WNK4: variants seen among roughly 807,000 people sequenced by gnomAD.
The protein encoded by WNK4 is serine/threonine-protein kinase WNK4.
A neutral mutation model predicts 116.2 loss-of-function variants in WNK4; 94 were observed. That is an observed-to-expected ratio of 0.81 (90% CI 0.68 to 0.96). The LOEUF is 0.96. Ranked by LOEUF, WNK4 falls within the 40% of genes least tolerant of loss-of-function variation. The pLI, the probability that WNK4 is intolerant of heterozygous loss-of-function variation, is 0.00. For synonymous variants in WNK4, 655 were observed against 672.7 expected, an observed-to-expected ratio of 0.97 and a Z score of 0.41; for missense variants, 1,542 against 1,650.6, an observed-to-expected ratio of 0.93 and a Z score of 1.14.
chr17:42,785,499 C>T lies in WNK4; in HGVS notation c.1476+17C>T, dbSNP rs758083735. 1 of 1,549,880 alleles carries T rather than the reference C, an allele frequency of 6.5e-7. No homozygotes were observed. The highest frequency in any genetic ancestry group is 8.7e-7 in the Non-Finnish European group (1 of 1,146,312). ...CAGGAGATGGTGAGCGGAGGACAGA[C>T]TGTGCTGCCACTGGACGTGTAAAGG... On this transcript the variant is annotated intron_variant, in intron 6 of 18. Transcript: ENST00000246914.
At position 42,784,061 on chromosome 17, in the gene WNK4, G is replaced by A. The variant is rs2054514672; in HGVS notation, c.916G>A (p.Asp306Asn). 4 of 1,613,712 alleles carry A rather than the reference G, an allele frequency of 2.5e-6. No individual in the cohort carries two copies. The highest frequency in any genetic ancestry group is 8.5e-7 in the Non-Finnish European group (1 of 1,180,032). Residue 306 changes from aspartate (D) to asparagine (N), a missense_variant, in exon 3 of 19, where the codon GAC becomes AAC. Asp to Asn is a conservative substitution (Grantham distance 23). Around this residue, in one of 7 missense-constraint regions of WNK4, gnomAD observed 808 missense variants for 873.6 expected, o/e 0.92. Transcript: ENST00000246914. The surrounding 1 kb of genome is among the most constrained non-coding windows in gnomAD (Gnocchi z 4.4). The stretch of plus-strand genomic sequence containing the variant: ...CATCCTGCACCGGGATCTCAAGTGC[G>A]ACAATGTCTTTATCACGGGACCTAC... ...PPILHRDLKC[D>N]NVFITGPTGS...
intron 10 of WNK4, 106 bp downstream of exon 10, chr17:42,788,513 C>A (rs2054576834): frequency 1.6e-6 from 2 of 1,274,098 alleles, no homozygotes; most frequent in Non-Finnish European, 2.3e-6. Flanking sequence ...CAGTGTATGA[C>A]TAGTACTCAA....
intron 11 of WNK4, among the ~76,000 whole-genome samples, chr17:42,789,080 C>T (rs1201982257): frequency 6.6e-6 from 1 of 152,058 alleles, no homozygotes; most frequent in African/African-American, 2.4e-5. Flanking sequence ...AATACTGTGG[C>T]TGTAGGTGAA....
chr17:42,789,828 G>GGTAATATAATATATTACC (rs2054591378), intron 11 of WNK4, among the ~76,000 whole-genome samples: 1 of 151,692 alleles, frequency 6.6e-6, no homozygotes, highest in Admixed American at 6.6e-5. Flanking sequence ...AATATAATGA[G>GGTAATATAATATATTACC]ACCCTATCTC....
In WNK4 at chr17:42,784,244, T is replaced by A; in HGVS notation, c.1012+87T>A. 6.3e-7 allele frequency: 1 copy of A among 1,575,660 alleles called. No homozygotes were observed. The highest frequency in any genetic ancestry group is 8.7e-7 in the Non-Finnish European group (1 of 1,153,778). On this transcript the variant is annotated intron_variant, in intron 3 of 18. Transcript: ENST00000246914. This position sits in a 1 kb window ranked among gnomAD's most constrained non-coding sequence, Gnocchi z 4.4. ...GGACTCCCTCCCCTCAGCAAGGGCCTTCAAGGTCCACAAAACTACCAGACG... is the reference window on the plus strand; with the variant it reads ...GGACTCCCTCCCCTCAGCAAGGGCCATCAAGGTCCACAAAACTACCAGACG...
intron 18 of WNK4, 51 bp from the exon 19 acceptor site, chr17:42,796,635 G>A (rs2054679047): frequency 4.3e-6 from 7 of 1,614,184 alleles, no homozygotes; most frequent in Non-Finnish European, 5.9e-6. Flanking sequence ...CTGCAGCTTC[G>A]CCTTCCTCCC....
chr17:42,794,535 C>A, intron 12 of WNK4, 79 bp from the exon 13 acceptor site: 1 of 1,530,600 alleles, frequency 6.5e-7, no homozygotes, highest in Non-Finnish European at 9.0e-7. Flanking sequence ...TGGGTCCTAG[C>A]TTAGGAACCC....
Position 42,793,649 on chromosome 17 carries a change from G to T in WNK4, c.2215G>T (p.Glu739Ter), listed in dbSNP as rs1484924188. The stretch of plus-strand genomic sequence containing the variant: ...AGATGGATTTCTCAGACGGATTCGG[G>T]AGATTATCCAGCGAGTGGAGACCCT... ...ERDGFLRRIREIIQRVETLLK... is the reference protein window; with the variant it reads ...ERDGFLRRIR The change falls in exon 12 of 19, where the codon GAG (glutamate) becomes TAG (stop). Residue 739 changes from glutamate to a stop codon, truncating the protein, a stop_gained. Transcript: ENST00000246914. LOFTEE classifies it high-confidence loss of function. 3 of 1,614,102 alleles carry T rather than the reference G, an allele frequency of 1.9e-6. No individual in the cohort carries two copies. Among genetic ancestry groups the T allele is most frequent in the Non-Finnish European group, 2.5e-6 (3 of 1,180,022 alleles).
intron 2 of WNK4, 161 bp from the exon 3 acceptor site, chr17:42,783,776 C>T (rs966653470): frequency 2.8e-6 from 2 of 707,240 alleles, no homozygotes; most frequent in Non-Finnish European, 4.9e-6. Flanking sequence ...TGCCCCCTGA[C>T]TCAGTTTCTC....
chr17:42,793,054 T>C (rs1301571104), intron 11 of WNK4, among the ~76,000 whole-genome samples: 1 of 152,178 alleles, frequency 6.6e-6, no homozygotes, highest in African/African-American at 2.4e-5. Flanking sequence ...GTGTTAAATG[T>C]GATAATATAC....
In WNK4 at chr17:42,785,373, G is replaced by T. The variant is rs1331674235; in HGVS notation, c.1367G>T (p.Trp456Leu). The change falls in exon 6 of 19, where the codon TGG (tryptophan) becomes TTG (leucine). Residue 456 changes from tryptophan to leucine, a missense_variant. Trp to Leu is a moderately conservative substitution (Grantham distance 61). This residue lies in a region of WNK4 where 808 missense variants were observed against 873.6 expected (regional missense o/e 0.92). Transcript: ENST00000246914. ...GGCGAGAAGCCGGGCCTCAAGCTCT[G>T]GCTGCGCATGGAGGACGCGCGGCGC... ...DDGEKPGLKL[W>L]LRMEDARRGG... is the part of the protein sequence containing the mutation. 1 of 1,603,954 alleles carries T rather than the reference G, an allele frequency of 6.2e-7. No homozygotes were observed. The highest frequency in any genetic ancestry group is 2.2e-5 in the East Asian group (1 of 44,474).
At position 42,780,634 on chromosome 17, in the gene WNK4, C is replaced by A. The variant is rs1309457829; in HGVS notation, c.-65C>A. 4.4e-6 allele frequency: 7 copies of A among 1,589,600 alleles called. No homozygotes were observed. The highest frequency in any genetic ancestry group is 4.0e-5 in the African/African-American group (3 of 74,118). On this transcript the variant is annotated 5_prime_UTR_variant, in exon 1 of 19. Coordinates refer to ENST00000246914, the MANE Select transcript of WNK4 (RefSeq NM_032387.5). ...CGGAGCGCAGCGCACCCAGCGAGTC[C>A]GTCTGTCAGGCCGCCTCCTCTCCGG...
chr17:42,795,381 A>G lies in WNK4; in HGVS notation c.2960A>G (p.Glu987Gly). The G allele has an allele frequency of 6.2e-7, 1 of 1,613,980 alleles. No homozygotes were observed. The highest frequency in any genetic ancestry group is 8.5e-7 in the Non-Finnish European group (1 of 1,179,988). The change falls in exon 14 of 19, where the codon GAG (glutamate) becomes GGG (glycine). Residue 987 changes from glutamate (E) to glycine (G), a missense_variant and splice_region_variant. Glu to Gly is a moderately conservative substitution (Grantham distance 98, BLOSUM62 -2). Transcript: ENST00000246914. ...CCCCACACAGCTGAGGTGGAGAGTG[A>G]GGTGAGTAGAAAACCAAGAGGGATG... is the stretch of plus-strand genomic sequence containing the variant. ...PSPHTAEVES[E>G]ASPPPARPLP...
rs755754608 is a variant in WNK4, at chr17:42,787,517, C to T, written c.1716C>T (p.Arg572=). Residue 572 remains arginine (R), a synonymous_variant, in exon 7 of 19, where the codon CGC becomes CGT. Transcript: ENST00000246914. ...EADQHQPFLF[R]HASYSSTTSD... ...ACCAGCACCAGCCCTTCCTTTTCCG[C>T]CACGCCAGCTACTCATCTACCACTT... is the stretch of plus-strand genomic sequence containing the variant. 2 of 1,611,006 alleles carry T rather than the reference C, an allele frequency of 1.2e-6. No individual in the cohort carries two copies. Among genetic ancestry groups the T allele is most frequent in the Admixed American group, 3.3e-5 (2 of 59,848 alleles).
chr17:42,783,027 G>A, intron 2 of WNK4, 97 bp downstream of exon 2: 1 of 1,497,010 alleles, frequency 6.7e-7, no homozygotes, highest in Non-Finnish European at 9.1e-7. Flanking sequence ...TAATATCCAG[G>A]TGTAAAACCA....
At chr17:42,794,501 C>T (rs2054639915) in intron 12 of WNK4, 113 bp from the exon 13 acceptor site, 3 of 1,128,536 alleles carry the variant, frequency 2.7e-6, no homozygotes, top group Admixed American at 1.9e-5. Flanking sequence ...CCTTGAAACT[C>T]ATGTACAGAC....
chr17:42,787,365 G>A lies in WNK4; in HGVS notation c.1564G>A (p.Glu522Lys). 1 of 1,614,198 alleles carries A rather than the reference G, an allele frequency of 6.2e-7. No individual in the cohort carries two copies. The highest frequency in any genetic ancestry group is 1.1e-5 in the South Asian group (1 of 91,086). Reference protein sequence around the residue: ...ERVAAIQRKREKLRKARELEA... With the variant: ...ERVAAIQRKRKKLRKARELEA... Reference sequence around the variant, plus strand: ...GGTTGCTGCCATCCAGCGAAAGCGTGAGAAGCTGCGTAAAGCAAGGGAATT... The same window carrying A: ...GGTTGCTGCCATCCAGCGAAAGCGTAAGAAGCTGCGTAAAGCAAGGGAATT... Residue 522 changes from glutamate (E) to lysine (K), a missense_variant, in exon 7 of 19, where the codon GAG (glutamate) becomes AAG (lysine). By Grantham distance (56) the Glu-to-Lys change is moderately conservative. Coordinates refer to ENST00000246914, the MANE Select transcript of WNK4 (RefSeq NM_032387.5).
rs2054648443 is a variant in WNK4 at position 42,795,007 on chromosome 17, A to C, written c.2586A>C (p.Pro862=). 6.3e-7 allele frequency: 1 copy of C among 1,582,970 alleles called. No individual in the cohort carries two copies. Among genetic ancestry groups the C allele is most frequent in the Admixed American group, 1.8e-5 (1 of 55,364 alleles). ...SNPSPHPTSS[P]LPFSSSTPEF... is the part of the protein sequence containing the mutation. ...CCTCTCCACACCCCACCAGCTCTCC[A>C]CTTCCATTCTCCTCCAGCACACCCG... Residue 862 remains proline (P), a synonymous_variant, in exon 14 of 19, where the codon CCA becomes CCC. Coordinates refer to ENST00000246914, the MANE Select transcript of WNK4 (RefSeq NM_032387.5).
rs55997156 is a variant in WNK4 at position 42,787,324 on chromosome 17, G to A, written c.1523G>A (p.Arg508His). 1,997 of 1,614,088 alleles carry A rather than the reference G, an allele frequency of 1.2e-3. 4 individuals carry two copies. The highest frequency in any genetic ancestry group is 1.5e-3 in the Non-Finnish European group (1,786 of 1,180,030). Residue 508 changes from arginine (R) to histidine (H), a missense_variant, in exon 7 of 19, where the codon CGT becomes CAT. Arg to His is a conservative substitution (Grantham distance 29). Around this residue, in one of 7 missense-constraint regions of WNK4, gnomAD observed 808 missense variants for 873.6 expected, o/e 0.92. Coordinates refer to ENST00000246914, the MANE Select transcript of WNK4 (RefSeq NM_032387.5). ...GAAGCCGATTACCAGCCAGTGGCCC[G>A]TGCAGTACGTGAACGGGTTGCTGCC... is the stretch of plus-strand genomic sequence containing the variant. ...VCEADYQPVA[R>H]AVRERVAAIQ... is the part of the protein sequence containing the mutation.
Sources: gnomAD v4.1 joint callset for allele counts (sites outside exome capture counted in the v4.1 genomes callset) on GRCh38, gnomAD v4.1.1 for gene constraint, gnomAD v4.1.1 regional missense constraint, Gnocchi (gnomAD v3.1) non-coding constraint, MANE v1.5 for transcripts, NCBI Gene and HGNC (gene_info 2026-07-23, HGNC 2026-07-21) for gene names.